The following EXOSC7 variants were observed in gnomAD, a reference collection of about 807,000 sequenced individuals.
The protein encoded by EXOSC7 is exosome component 7.
EXOSC7 carries 25 observed loss-of-function variants against 34.3 expected under a neutral mutation model. That is an observed-to-expected ratio of 0.73 (90% CI 0.53 to 1.02). The LOEUF (loss-of-function observed/expected upper bound fraction) is 1.02. Among genes scored for constraint, EXOSC7 ranks in the 50% least tolerant of loss-of-function variants. EXOSC7 has a pLI of 0.00. For missense variants in EXOSC7, 370 were observed against 368.5 expected, an observed-to-expected ratio of 1.00 and a Z score of -0.03; for synonymous variants, 130 against 143.0, an observed-to-expected ratio of 0.91 and a Z score of 0.65.
At position 45,011,347 on chromosome 3, in the gene EXOSC7, A is replaced by G. The variant is rs769876022; in HGVS notation, c.*8A>G. 6.5e-7 allele frequency: 1 copy of G among 1,548,228 alleles called. No homozygotes were observed. The highest frequency in any genetic ancestry group is 1.1e-5 in the South Asian group (1 of 88,840). On this transcript the variant is annotated 3_prime_UTR_variant, in exon 8 of 8. Coordinates refer to ENST00000265564, the MANE Select transcript of EXOSC7 (RefSeq NM_015004.4). ...GTTGGATTCCTGGGATGATTTGCAC[A>G]TCAACTGCTCAACTGTGGATTGTTT...
intron 1 of EXOSC7, among the ~76,000 whole-genome samples, chr3:44,978,764 A>G (rs1360768194): frequency 6.6e-6 from 1 of 152,138 alleles, no homozygotes; most frequent in Non-Finnish European, 1.5e-5. Context: ...AAATGGTGGA[A>G]GATCAGCTTG....
intron 1 of EXOSC7, among the ~76,000 whole-genome samples, chr3:44,984,849 A>G (rs1312274986): frequency 2.0e-5 from 3 of 152,268 alleles, no homozygotes; most frequent in Non-Finnish European, 2.9e-5. Flanking sequence ...AATTACAGCC[A>G]TTTTAATTTA....
At chr3:45,005,048 CT>C in intron 5 of EXOSC7, 23 of 465,350 alleles carry the variant, frequency 4.9e-5, no homozygotes, top group East Asian at 1.0e-4. Context: ...GATTGAGATT[CT>C]TTTTTTTCCA....
intron 3 of EXOSC7, among the ~76,000 whole-genome samples, chr3:44,994,108 G>C (rs1706649628): frequency 6.6e-6 from 1 of 152,076 alleles, no homozygotes; most frequent in African/African-American, 2.4e-5. Flanking sequence ...TGTGGCCTTG[G>C]ACAAATTACA....
At chr3:44,978,599 G>C (rs1706187900) in intron 1 of EXOSC7, among the ~76,000 whole-genome samples, 1 of 152,182 alleles carries the variant, frequency 6.6e-6, no homozygotes, top group Admixed American at 6.5e-5. Context: ...TCTAGACTGG[G>C]AGGTCAGAGG....
intron 1 of EXOSC7, 103 bp downstream of exon 1, chr3:44,976,437 G>A: frequency 2.9e-6 from 3 of 1,020,408 alleles, no homozygotes; most frequent in Non-Finnish European, 4.2e-6. Context: ...GAGCTGCGGC[G>A]ACTCTCCGTT....
intron 6 of EXOSC7, among the ~76,000 whole-genome samples, chr3:45,006,413 T>G (rs1366407987): frequency 3.2e-4 from 42 of 129,612 alleles, no homozygotes; most frequent in African/African-American, 1.1e-3. Flanking sequence ...TGTTTTTTTT[T>G]TTTTTTTTTT....
At chr3:44,986,746 T>C (rs959423809) in intron 1 of EXOSC7, among the ~76,000 whole-genome samples, 2 of 152,214 alleles carry the variant, frequency 1.3e-5, no homozygotes, top group Non-Finnish European at 2.9e-5. Context: ...TTTTCTGTCA[T>C]TGAAAAGTTA....
At chr3:44,986,717 A>G (rs559957597) in intron 1 of EXOSC7, among the ~76,000 whole-genome samples, 4 of 152,320 alleles carry the variant, frequency 2.6e-5, no homozygotes, top group African/African-American at 9.6e-5. Flanking sequence ...AGGACCTTCC[A>G]CCTGATTTGT....
At chr3:45,007,827 C>T (rs902555382) in intron 7 of EXOSC7, among the ~76,000 whole-genome samples, 4 of 152,176 alleles carry the variant, frequency 2.6e-5, no homozygotes, top group African/African-American at 9.7e-5. Flanking sequence ...CCCCCCATCT[C>T]ATTTCTATGT....
At chr3:44,976,392 C>A in intron 1 of EXOSC7, 58 bp downstream of exon 1, 1 of 1,473,214 alleles carries the variant, frequency 6.8e-7, no homozygotes, top group Non-Finnish European at 9.1e-7. Flanking sequence ...CTGCGGGTCG[C>A]GGCCTGCCCT....
intron 7 of EXOSC7, among the ~76,000 whole-genome samples, chr3:45,008,257 TTGAC>T (rs766913741): frequency 1.2e-4 from 18 of 152,346 alleles, no homozygotes; most frequent in Admixed American, 3.3e-4. Context: ...TTCTGACTGA[TTGAC>T]TGACTGAACT....
intron 3 of EXOSC7, 111 bp from the exon 4 acceptor site, chr3:44,996,976 C>G (rs1476085512): frequency 1.8e-6 from 2 of 1,093,686 alleles, no homozygotes; most frequent in African/African-American, 3.1e-5. Flanking sequence ...GACTTTCTGT[C>G]GAGCAGCTGG....
intron 6 of EXOSC7, among the ~76,000 whole-genome samples, chr3:45,005,809 G>A (rs1707021393): frequency 6.6e-6 from 1 of 152,106 alleles, no homozygotes; most frequent in African/African-American, 2.4e-5. Flanking sequence ...GTTGGAGCAG[G>A]TCTTGGGTAT....
intron 4 of EXOSC7, among the ~76,000 whole-genome samples, chr3:45,000,886 G>C (rs540390787): frequency 2.0e-5 from 3 of 152,166 alleles, no homozygotes; most frequent in Non-Finnish European, 2.9e-5. Flanking sequence ...TGCCTGAAGT[G>C]CCTGTGAGAG....
chr3:44,994,754 C>T (rs1368681734), intron 3 of EXOSC7, among the ~76,000 whole-genome samples: 6 of 152,078 alleles, frequency 3.9e-5, no homozygotes, highest in African/African-American at 1.4e-4. Flanking sequence ...TCCCCAGAGT[C>T]ACTGCACAGC....
intron 1 of EXOSC7, among the ~76,000 whole-genome samples, chr3:44,984,370 G>A (rs1391032415): frequency 6.6e-6 from 1 of 152,118 alleles, no homozygotes; most frequent in African/African-American, 2.4e-5. Flanking sequence ...TAGCTACTCA[G>A]GAGGCTGAGG....
At chr3:45,010,735 T>G (rs994304192) in intron 7 of EXOSC7, among the ~76,000 whole-genome samples, 2 of 152,216 alleles carry the variant, frequency 1.3e-5, no homozygotes, top group African/African-American at 4.8e-5. Context: ...GTACTGACTT[T>G]GGTCACACCT....
At chr3:45,011,135 C>G in intron 7 of EXOSC7, 100 bp from the exon 8 acceptor site, 1 of 596,034 alleles carries the variant, frequency 1.7e-6, no homozygotes, top group South Asian at 3.2e-5. Flanking sequence ...GGAATGTGTA[C>G]AATGTCAGAA....
Sources: gnomAD v4.1 joint callset for allele counts (sites outside exome capture counted in the v4.1 genomes callset) on GRCh38, gnomAD v4.1.1 for gene constraint, MANE v1.5 for transcripts, NCBI Gene and HGNC (gene_info 2026-07-23, HGNC 2026-07-21) for gene names.